Variants in BCOR observed in about 807,000 individuals in gnomAD.
The protein encoded by BCOR is BCL6 corepressor, also known as BCL-6 corepressor.
In BCOR, 10 loss-of-function variants were observed where a neutral mutation model predicts 86.7. That is an observed-to-expected ratio of 0.12 (90% CI 0.07 to 0.20). The LOEUF (loss-of-function observed/expected upper bound fraction) is 0.20, where lower values mean the gene tolerates loss of function less well. Ranked by LOEUF, BCOR falls within the 10% of genes least tolerant of loss-of-function variation. The pLI, the probability that BCOR is intolerant of heterozygous loss-of-function variation, is 1.00. For missense variants in BCOR, 1,259 were observed against 1,452.1 expected, an observed-to-expected ratio of 0.87 and a Z score of 2.16; for synonymous variants, 611 against 609.0, an observed-to-expected ratio of 1.00 and a Z score of -0.05.
intron 1 of BCOR, among the ~76,000 whole-genome samples, chrX:40,092,183 C>T (rs1936649099): frequency 8.9e-6 from 1 of 112,178 alleles, no homozygotes; most frequent in South Asian, 3.6e-4. Flanking sequence ...GTGGCATTGC[C>T]AGGGCTGCCC....
chrX:40,062,079 C>G (rs1934903829), intron 10 of BCOR, 60 bp downstream of exon 10: 1 of 1,160,949 alleles, frequency 8.6e-7, no homozygotes, highest in African/African-American at 1.8e-5. Context: ...CCTCGCCCAC[C>G]ACAGTCCGCA....
chrX:40,167,651 A>T (rs1195629216), intron 1 of BCOR, among the ~76,000 whole-genome samples: 3 of 112,505 alleles, frequency 2.7e-5, no homozygotes, highest in Non-Finnish European at 1.9e-5. Flanking sequence ...GCGTGGATCC[A>T]GCACGTCGTG....
At chrX:40,084,489 G>T (rs978176679) in intron 1 of BCOR, among the ~76,000 whole-genome samples, 1 of 111,975 alleles carries the variant, frequency 8.9e-6, no homozygotes, top group Admixed American at 9.4e-5. Flanking sequence ...TCAAAAGCCA[G>T]GAATCCCTCC....
intron 1 of BCOR, among the ~76,000 whole-genome samples, chrX:40,083,230 G>A (rs1024213899): frequency 9.0e-6 from 1 of 111,053 alleles, no homozygotes; most frequent in African/African-American, 3.3e-5. Context: ...TGCCCCCCAG[G>A]TCCCTGGGAG....
At position 40,078,092 on chromosome X, in the gene BCOR, T is replaced by A; in HGVS notation, c.-40-123A>T. 8.0e-6 allele frequency: 4 copies of A among 499,319 alleles called. No homozygotes were observed. The South Asian group carries it at 1.1e-4, about 14-fold the overall frequency. 41.1% of individuals were successfully genotyped at this position (499,319 alleles called of 1,213,427 possible). A position where few individuals can be genotyped will look rare whatever the true frequency, so the allele number is the denominator to read the frequency against. On this transcript the variant is annotated intron_variant, in intron 1 of 14. Coordinates refer to ENST00000378444, the MANE Select transcript of BCOR (RefSeq NM_001123385.2). Reference sequence around the variant, plus strand: ...GCAGATGGGGAAGGCAGGCTGTGCCTGCTGTCTACAGTGGTCTGGGAGCCA... The same window carrying A: ...GCAGATGGGGAAGGCAGGCTGTGCCAGCTGTCTACAGTGGTCTGGGAGCCA...
At chrX:40,160,505 G>C (rs1938390986) in intron 1 of BCOR, among the ~76,000 whole-genome samples, 2 of 85,970 alleles carry the variant, frequency 2.3e-5, no homozygotes, top group African/African-American at 1.1e-4. Flanking sequence ...GACAGAGCGA[G>C]ACCCTGTCTC....
chrX:40,094,692 G>A (rs1016006677), intron 1 of BCOR, among the ~76,000 whole-genome samples: 15 of 113,113 alleles, frequency 1.3e-4, no homozygotes, highest in Non-Finnish European at 2.6e-4. Context: ...CCGCGGGCAG[G>A]AAGAAAGAGC....
chrX:40,063,167 AT>A, intron 8 of BCOR, 96 bp from the exon 9 acceptor site: 1 of 618,942 alleles, frequency 1.6e-6, no homozygotes. Context: ...AGAAAAGCCC[AT>A]TGTTAACACT....
rs1033638178 is a variant in BCOR, at chrX:40,111,385, C to A, written c.-40-33416G>T. Among the ~76,000 whole-genome samples the A allele has an allele frequency of 6.3e-5, 7 of 111,954 alleles. No individual in the cohort carries two copies. The Admixed American group carries it at 6.7e-4, about 11-fold the overall frequency. On this transcript the variant is annotated intron_variant, in intron 1 of 14. Transcript: ENST00000342274. ...GACTTCTTGAAAGAGGTGTCTCCATCCATGTGGAATTTCTGCAGGCTTACC... is the reference window on the plus strand; with the variant it reads ...GACTTCTTGAAAGAGGTGTCTCCATACATGTGGAATTTCTGCAGGCTTACC...
At chrX:40,160,263 C>T in intron 1 of BCOR, among the ~76,000 whole-genome samples, 1 of 109,802 alleles carries the variant, frequency 9.1e-6, no homozygotes, top group Middle Eastern at 4.7e-3. Flanking sequence ...CTACAGGCGC[C>T]CGCCACTACA....
intron 1 of BCOR, among the ~76,000 whole-genome samples, chrX:40,123,924 T>G (rs772902565): frequency 1.7e-4 from 19 of 111,094 alleles, no homozygotes; most frequent in Non-Finnish European, 2.8e-4. Context: ...AGGCTGAATG[T>G]TCAAACCCCA....
upstream of BCOR, among the ~76,000 whole-genome samples, chrX:40,102,148 C>A (rs1479703228): frequency 8.9e-6 from 1 of 112,780 alleles, no homozygotes; most frequent in Non-Finnish European, 1.9e-5. Flanking sequence ...GACTGCTGGA[C>A]TTAAGGGTCG....
chrX:40,170,693 C>T (rs767373016), intron 1 of BCOR, among the ~76,000 whole-genome samples: 13 of 112,055 alleles, frequency 1.2e-4, no homozygotes, highest in Non-Finnish European at 2.4e-4. Flanking sequence ...CCTTTCTTCC[C>T]CATTAACCTC....
chrX:40,099,121 T>A (rs1156711466), upstream of BCOR, among the ~76,000 whole-genome samples: 1 of 111,878 alleles, frequency 8.9e-6, no homozygotes, highest in Non-Finnish European at 1.9e-5. Context: ...GATCGGTGCT[T>A]GGCGGCGGCG....
intron 1 of BCOR, among the ~76,000 whole-genome samples, chrX:40,107,799 G>T (rs1732511873): frequency 8.8e-6 from 1 of 113,302 alleles, no homozygotes; most frequent in Admixed American, 9.2e-5. Context: ...GGGTGGCGGC[G>T]CCCCTCCTCC....
chrX:40,079,141 G>A (rs748329572), intron 1 of BCOR, among the ~76,000 whole-genome samples: 3 of 111,044 alleles, frequency 2.7e-5, no homozygotes, highest in African/African-American at 9.8e-5. Flanking sequence ...ATTTTTCCAC[G>A]GGACCCAAAC....
intron 6 of BCOR, among the ~76,000 whole-genome samples, chrX:40,067,424 G>A (rs895101154): frequency 2.7e-5 from 3 of 111,671 alleles, no homozygotes; most frequent in African/African-American, 9.8e-5. Flanking sequence ...AGCAGGCTAG[G>A]ATAAGGGGTG....
At chrX:40,131,886 G>T (rs1033902104) in intron 1 of BCOR, among the ~76,000 whole-genome samples, 2 of 111,288 alleles carry the variant, frequency 1.8e-5, no homozygotes, top group African/African-American at 6.5e-5. Flanking sequence ...TTTTAAACAC[G>T]CCCGCTAGTT....
rs1221802607 is a variant in BCOR at position 40,139,493 on chromosome X, ATATATTTTTTTTT to A, written c.-41+37501_-41+37513del. On this transcript the variant is annotated intron_variant, in intron 1 of 14. Coordinates refer to the BCOR transcript ENST00000342274. Reference sequence around the variant, plus strand: ...TATATATATATATATATATATATATATATATTTTTTTTTTTTTTTAAGCATCAGCCTTAATAGG... The same window carrying A: ...TATATATATATATATATATATATATATTTTTTAAGCATCAGCCTTAATAGG... 3.0e-4 allele frequency among the ~76,000 whole-genome samples: 2 copies of A among 6,728 alleles called. 1 individual carries two copies. Among genetic ancestry groups the A allele is most frequent in the African/African-American group, 1.4e-3 (2 of 1,428 alleles). The allele number at this position is 6,728 out of a possible 115,157, so 5.8% of individuals were successfully genotyped here. A position where few individuals can be genotyped will look rare whatever the true frequency, so the allele number is the denominator to read the frequency against.
Sources: allele counts gnomAD v4.1 joint callset (sites outside exome capture counted in the v4.1 genomes callset), GRCh38; gene constraint gnomAD v4.1.1; transcripts MANE v1.5; gene names NCBI Gene and HGNC (gene_info 2026-07-23, HGNC 2026-07-21).